Variants in AMD1 observed in about 807,000 individuals in gnomAD.
AMD1 encodes the protein S-adenosylmethionine decarboxylase proenzyme.
Under a neutral mutation model 40.2 loss-of-function variants are expected in AMD1, and 11 were observed. The observed-to-expected ratio is 0.27, with a 90% CI of 0.17 to 0.45. The LOEUF is 0.45. Among genes scored for constraint, AMD1 ranks in the 20% least tolerant of loss-of-function variants. The pLI, the probability that AMD1 is intolerant of heterozygous loss-of-function variation, is 1.00. For missense variants in AMD1, 257 were observed against 410.2 expected (o/e 0.63, Z 3.23); for synonymous variants, 121 against 130.8 (o/e 0.93, Z 0.51).
the AMD1 span, among the ~76,000 whole-genome samples, chr6:110,863,054 C>G: frequency 6.6e-6 from 1 of 151,766 alleles, no homozygotes; most frequent in East Asian, 2.0e-4. Flanking sequence ...ACGCCATTCT[C>G]CTGCCTCAGC....
chr6:110,819,051 A>G, the AMD1 span, among the ~76,000 whole-genome samples: 1 of 152,196 alleles, frequency 6.6e-6, no homozygotes, highest in Non-Finnish European at 1.5e-5. Flanking sequence ...AGCTATTGCA[A>G]TAGGACGGTA....
chr6:110,837,990 A>G, the AMD1 span, among the ~76,000 whole-genome samples: 1 of 148,192 alleles, frequency 6.7e-6, no homozygotes, highest in Admixed American at 6.9e-5. Context: ...TGAACCTGGG[A>G]GGCAGAGGTG....
At chr6:110,859,238 A>G in the AMD1 span, 3 of 518,388 alleles carry the variant, frequency 5.8e-6, no homozygotes, top group Non-Finnish European at 1.0e-5. Flanking sequence ...TAACCTGTTC[A>G]GTGCTGCCAA....
chr6:110,872,266 A>C (rs1784932008), upstream of AMD1, among the ~76,000 whole-genome samples: 1 of 152,238 alleles, frequency 6.6e-6, no homozygotes. Context: ...TAAGGGAAGC[A>C]GAGAAATTCG....
chr6:110,863,253 C>T, the AMD1 span, among the ~76,000 whole-genome samples: 252 of 150,674 alleles, frequency 1.7e-3, no homozygotes, highest in African/African-American at 5.9e-3. Context: ...CCCCCAAGTT[C>T]GTTTTTTTAA....
chr6:110,864,198 C>CAGATGTGAGCCACAT, the AMD1 span: 51 of 156,548 alleles, frequency 3.3e-4, no homozygotes, highest in African/African-American at 1.2e-3. Context: ...CCCGCCTTGG[C>CAGATGTGAGCCACAT]CTCCCAAAGT....
At chr6:110,816,696 TAG>T in the AMD1 span, among the ~76,000 whole-genome samples, 119,857 of 151,920 alleles carry the variant, frequency 0.79, 47,361 homozygotes, top group Admixed American at 0.82. Flanking sequence ...TTATTCACCT[TAG>T]ACATTTTTTC....
At chr6:110,824,480 A>G in the AMD1 span, among the ~76,000 whole-genome samples, 1 of 152,184 alleles carries the variant, frequency 6.6e-6, no homozygotes, top group African/African-American at 2.4e-5. Flanking sequence ...AATGCATACT[A>G]CTTGAGTGAC....
At chr6:110,854,540 C>T in the AMD1 span, among the ~76,000 whole-genome samples, 2 of 152,008 alleles carry the variant, frequency 1.3e-5, no homozygotes, top group Non-Finnish European at 2.9e-5. Flanking sequence ...CCTCTGCCTC[C>T]CGGGTTCAAA....
chr6:110,825,396 T>C, the AMD1 span, among the ~76,000 whole-genome samples: 1 of 152,192 alleles, frequency 6.6e-6, no homozygotes, highest in Admixed American at 6.5e-5. Flanking sequence ...GATCAAATGA[T>C]CCCACTGAAA....
intron 1 of AMD1, among the ~76,000 whole-genome samples, chr6:110,877,238 T>C (rs1327199700): frequency 1.3e-5 from 2 of 152,250 alleles, no homozygotes; most frequent in Non-Finnish European, 2.9e-5. Context: ...CACTGCCACA[T>C]TGTAACTGTT....
chr6:110,814,953 G>A, the AMD1 span: 15 of 1,592,652 alleles, frequency 9.4e-6, no homozygotes, highest in African/African-American at 2.8e-5. Flanking sequence ...CATCCCGCCA[G>A]GTCGCGGGCA....
intron 2 of AMD1, chr6:110,888,320 C>A (rs757914200): frequency 3.3e-5 from 5 of 152,376 alleles, no homozygotes; most frequent in East Asian, 3.9e-4. Context: ...CCCCTCCCCC[C>A]CTTTTTTTTT....
chr6:110,862,019 C>CTTT, the AMD1 span, among the ~76,000 whole-genome samples: 52 of 125,460 alleles, frequency 4.1e-4, no homozygotes, highest in East Asian at 1.8e-3. Flanking sequence ...GATTTAAAAT[C>CTTT]TTTTTTTTTT....
At chr6:110,839,163 A>G in the AMD1 span, among the ~76,000 whole-genome samples, 1 of 152,178 alleles carries the variant, frequency 6.6e-6, no homozygotes, top group Non-Finnish European at 1.5e-5. Context: ...TATCTTTTCT[A>G]TTCATGTGCA....
the AMD1 span, among the ~76,000 whole-genome samples, chr6:110,831,310 G>A: frequency 1.3e-5 from 2 of 151,718 alleles, no homozygotes; most frequent in African/African-American, 4.8e-5. Flanking sequence ...GTGGTGGCAG[G>A]CACCTGTAAT....
the AMD1 span, among the ~76,000 whole-genome samples, chr6:110,821,134 C>T: frequency 1.3e-5 from 2 of 152,202 alleles, no homozygotes; most frequent in African/African-American, 4.8e-5. Context: ...AAGAGAACTT[C>T]AGAGAATAGC....
chr6:110,835,514 G>A, the AMD1 span, among the ~76,000 whole-genome samples: 1 of 152,018 alleles, frequency 6.6e-6, no homozygotes, highest in African/African-American at 2.4e-5. Context: ...TTTGTCATTG[G>A]AAAATATTGT....
At position 110,894,443 on chromosome 6, in the gene AMD1, ATAGT is replaced by A. The variant is rs1786198535; in HGVS notation, c.*829_*832del. 1 of 152,352 alleles carries A rather than the reference ATAGT, an allele frequency of 6.6e-6. No individual in the cohort carries two copies. The highest frequency in any genetic ancestry group is 1.5e-5 in the Non-Finnish European group (1 of 68,046). The allele number at this position is 152,352 out of a possible 1,614,324, so 9.4% of individuals were successfully genotyped here. On this transcript the variant is annotated 3_prime_UTR_variant, in exon 9 of 9. Transcript: ENST00000368885. ...TTATTGTAATGTGCTCTTTTGGAAA[ATAGT>A]TGGTTAGCAGGGAAGACCCAGAGTT... is the stretch of plus-strand genomic sequence containing the variant.
Sources: allele counts gnomAD v4.1 joint callset (sites outside exome capture counted in the v4.1 genomes callset), GRCh38; gene constraint gnomAD v4.1.1; transcripts MANE v1.5; gene names NCBI Gene and HGNC (gene_info 2026-07-23, HGNC 2026-07-21).